The following PPM1E variants were observed in gnomAD, a reference collection of about 807,000 sequenced individuals.
The protein encoded by PPM1E is protein phosphatase, Mg2+/Mn2+ dependent 1E.
PPM1E carries 20 observed loss-of-function variants against 65.9 expected under a neutral mutation model. The observed-to-expected ratio is 0.30, with a 90% CI of 0.21 to 0.44. The LOEUF (loss-of-function observed/expected upper bound fraction) is 0.44. PPM1E is among the 20% of genes least tolerant of loss of function. PPM1E has a pLI of 1.00. For synonymous variants in PPM1E, 352 were observed against 374.9 expected, an observed-to-expected ratio of 0.94 and a Z score of 0.70; for missense variants, 713 against 953.1, an observed-to-expected ratio of 0.75 and a Z score of 3.32.
chr17:58,939,820 T>A (rs772852340), intron 1 of PPM1E, among the ~76,000 whole-genome samples: 4 of 152,126 alleles, frequency 2.6e-5, no homozygotes, highest in Non-Finnish European at 5.9e-5. Context: ...TTTCCTTTTG[T>A]TCTCAGGATG....
intron 1 of PPM1E, among the ~76,000 whole-genome samples, chr17:58,883,249 C>T (rs571322276): frequency 7.2e-5 from 11 of 151,934 alleles, no homozygotes; most frequent in East Asian, 5.8e-4. Context: ...TGAGCCACCG[C>T]GCCCGGCCTG....
chr17:58,921,520 C>CAAAA (rs2051750195), intron 1 of PPM1E, among the ~76,000 whole-genome samples: 1 of 151,064 alleles, frequency 6.6e-6, no homozygotes, highest in African/African-American at 2.4e-5. Context: ...TCCATCTCTA[C>CAAAA]AAACAAACAA....
chr17:58,761,029 G>T (rs187855610), intron 1 of PPM1E, among the ~76,000 whole-genome samples: 102 of 152,272 alleles, frequency 6.7e-4, no homozygotes, highest in African/African-American at 1.9e-3. Context: ...ACAAGGTATT[G>T]CCCACCCAAG....
chr17:58,952,564 G>A (rs2052254496), intron 1 of PPM1E, among the ~76,000 whole-genome samples: 1 of 152,192 alleles, frequency 6.6e-6, no homozygotes. Flanking sequence ...TGCTGGCAGT[G>A]GCTCACAGAG....
At chr17:58,833,815 G>A (rs1363837735) in intron 1 of PPM1E, among the ~76,000 whole-genome samples, 7 of 152,186 alleles carry the variant, frequency 4.6e-5, no homozygotes, top group Admixed American at 4.6e-4. Context: ...TCTTCAAACT[G>A]CTTTCCATAG....
In PPM1E at chr17:58,959,627, A is replaced by G. The variant is rs564162060; in HGVS notation, c.583+3860A>G. Among the ~76,000 whole-genome samples, 36 of 151,226 alleles carry G rather than the reference A, an allele frequency of 2.4e-4. No individual in the cohort carries two copies. The South Asian group carries it at 7.5e-3, about 32-fold the overall frequency. Reference sequence around the variant, plus strand: ...AAAAAAAAAAAGGCCTTGACCTCCCAAAGTGCTGGGATTACAGGCGTGAGC... The same window carrying G: ...AAAAAAAAAAAGGCCTTGACCTCCCGAAGTGCTGGGATTACAGGCGTGAGC... On this transcript the variant is annotated intron_variant, in intron 2 of 6. Transcript: ENST00000308249.
intron 1 of PPM1E, among the ~76,000 whole-genome samples, chr17:58,949,355 T>C (rs2052205061): frequency 6.6e-6 from 1 of 152,224 alleles, no homozygotes; most frequent in South Asian, 2.1e-4. Context: ...AATATCTCTT[T>C]CCATCCCTTC....
At chr17:58,964,168 TAGCCATTG>T (rs2030138670) in intron 2 of PPM1E, among the ~76,000 whole-genome samples, 1 of 152,206 alleles carries the variant, frequency 6.6e-6, no homozygotes, top group Non-Finnish European at 1.5e-5. Context: ...GAGGCACGTG[TAGCCATTG>T]CCATCTGTCA....
intron 1 of PPM1E, among the ~76,000 whole-genome samples, chr17:58,782,585 A>G (rs998129939): frequency 7.2e-6 from 1 of 139,392 alleles, no homozygotes; most frequent in Non-Finnish European, 1.6e-5. Context: ...TTTTTTTTGT[A>G]TTTTTTAATA....
At chr17:58,790,204 G>C (rs922108806) in intron 1 of PPM1E, among the ~76,000 whole-genome samples, 1 of 152,004 alleles carries the variant, frequency 6.6e-6, no homozygotes, top group African/African-American at 2.4e-5. Flanking sequence ...GACTACAGGT[G>C]TATGCCACCA....
rs1055558649 is a variant in PPM1E, at chr17:58,982,134, C to G, written c.*1103C>G. 6.6e-6 allele frequency: 1 copy of G among 152,652 alleles called. No homozygotes were observed. Among genetic ancestry groups the G allele is most frequent in the Non-Finnish European group, 1.5e-5 (1 of 68,050 alleles). The allele number at this position is 152,652 out of a possible 1,614,324, so 9.5% of individuals were successfully genotyped here. A position where few individuals can be genotyped will look rare whatever the true frequency, so the allele number is the denominator to read the frequency against. On this transcript the variant is annotated 3_prime_UTR_variant, in exon 7 of 7. Transcript: ENST00000308249. ...GGCCACTGAGAATGCAGATTACTGA[C>G]AGCCAGGTCTGTTTAGTTGTAATTG...
At chr17:58,818,323 G>A (rs4793594) in intron 1 of PPM1E, among the ~76,000 whole-genome samples, 151,620 of 152,332 alleles carry the variant, frequency 1, 75,457 homozygotes, top group Middle Eastern at 1. Context: ...TAAGTTGTCT[G>A]TGGTCACACA....
At chr17:58,820,150 A>G (rs1357396846) in intron 1 of PPM1E, among the ~76,000 whole-genome samples, 1 of 152,158 alleles carries the variant, frequency 6.6e-6, no homozygotes, top group Non-Finnish European at 1.5e-5. Context: ...CCATTCATAA[A>G]AATCCACCCC....
intron 1 of PPM1E, among the ~76,000 whole-genome samples, chr17:58,887,264 A>C (rs1247290610): frequency 6.7e-6 from 1 of 148,508 alleles, no homozygotes; most frequent in Non-Finnish European, 1.5e-5. Flanking sequence ...TCCTGGGTTC[A>C]AGTGATTCTC....
intron 1 of PPM1E, among the ~76,000 whole-genome samples, chr17:58,954,603 C>T (rs1020967224): frequency 1.3e-5 from 2 of 152,074 alleles, no homozygotes; most frequent in African/African-American, 4.8e-5. Flanking sequence ...ATTGGCCAGG[C>T]GCAGTGGCTC....
chr17:58,905,213 A>G (rs145558888), intron 1 of PPM1E, among the ~76,000 whole-genome samples: 5 of 152,118 alleles, frequency 3.3e-5, no homozygotes, highest in African/African-American at 1.2e-4. Context: ...TTCTTGTCTT[A>G]TTGCATTAAC....
chr17:58,826,072 T>G (rs182766688), intron 1 of PPM1E, among the ~76,000 whole-genome samples: 8 of 151,808 alleles, frequency 5.3e-5, no homozygotes, highest in African/African-American at 1.7e-4. Context: ...GCGGATCACC[T>G]GAGGTCCGAA....
intron 1 of PPM1E, among the ~76,000 whole-genome samples, chr17:58,766,465 G>T (rs902924237): frequency 1.3e-5 from 2 of 151,942 alleles, no homozygotes; most frequent in African/African-American, 4.8e-5. Flanking sequence ...CTCCCAAAGT[G>T]CTGGGATTAC....
rs1212308822 is a variant in PPM1E at position 58,981,742 on chromosome 17, T to C, written c.*711T>C. ...GTTATTTGGGAGTTTCATAACCTGT[T>C]ATGGTGCTTTTGGTGGAAATTTTTA... On this transcript the variant is annotated 3_prime_UTR_variant, in exon 7 of 7. Transcript: ENST00000308249. 1.2e-5 allele frequency: 1 copy of C among 85,128 alleles called. No individual in the cohort carries two copies. Among genetic ancestry groups the C allele is most frequent in the Non-Finnish European group, 2.3e-5 (1 of 43,632 alleles). The allele number at this position is 85,128 out of a possible 1,614,324, so 5.3% of individuals were successfully genotyped here.
Sources: allele counts gnomAD v4.1 joint callset (sites outside exome capture counted in the v4.1 genomes callset), GRCh38; gene constraint gnomAD v4.1.1; transcripts MANE v1.5; gene names NCBI Gene and HGNC (gene_info 2026-07-23, HGNC 2026-07-21).